The following RPS6KC1 variants were observed in gnomAD, a reference collection of about 807,000 sequenced individuals.
RPS6KC1 encodes the protein ribosomal protein S6 kinase C1, also known as inactive ribosomal protein S6 kinase delta-1.
In RPS6KC1, 54 loss-of-function variants were observed where a neutral mutation model predicts 103.8. The ratio of observed to expected loss-of-function variants is 0.52; its 90% CI spans 0.42 to 0.65. The LOEUF (loss-of-function observed/expected upper bound fraction) is 0.65. Ranked by LOEUF, RPS6KC1 falls within the 30% of genes least tolerant of loss-of-function variation. The probability of loss-of-function intolerance (pLI) is 0.00; values close to 1 mark genes in which losing one functional copy is unlikely to be tolerated. For missense variants in RPS6KC1, 1,151 were observed against 1,253.8 expected (o/e 0.92, Z 1.24); for synonymous variants, 439 against 438.7 (o/e 1.00, Z -0.01).
At chr1:213,603,457 C>T in the RPS6KC1 span, among the ~76,000 whole-genome samples, 1 of 152,222 alleles carries the variant, frequency 6.6e-6, no homozygotes, top group Admixed American at 6.5e-5. Flanking sequence ...AGTCAGGTTG[C>T]TGGTCTTTTA....
chr1:213,847,978 C>T, the RPS6KC1 span, among the ~76,000 whole-genome samples: 1 of 151,986 alleles, frequency 6.6e-6, no homozygotes, highest in Non-Finnish European at 1.5e-5. Flanking sequence ...CACACACATA[C>T]ACACACACAG....
chr1:213,423,904 C>T, the RPS6KC1 span, among the ~76,000 whole-genome samples: 2 of 152,304 alleles, frequency 1.3e-5, no homozygotes, highest in South Asian at 2.1e-4. Flanking sequence ...AAGGTGCTAA[C>T]GCAATAATAC....
At chr1:213,575,598 G>T in the RPS6KC1 span, among the ~76,000 whole-genome samples, 3 of 152,160 alleles carry the variant, frequency 2.0e-5, no homozygotes, top group East Asian at 3.9e-4. Context: ...TTCCCCTTCT[G>T]CCATGATTGT....
intron 3 of RPS6KC1, 44 bp downstream of exon 3, chr1:213,077,860 T>C: frequency 8.4e-7 from 1 of 1,185,750 alleles, no homozygotes; most frequent in Non-Finnish European, 1.2e-6. Context: ...AATAATTAAT[T>C]TTGTATATAT....
the RPS6KC1 span, among the ~76,000 whole-genome samples, chr1:213,504,144 TTAA>T: frequency 1.3e-5 from 2 of 152,320 alleles, no homozygotes; most frequent in African/African-American, 2.4e-5. Flanking sequence ...ATAATTTCTT[TTAA>T]TAATGTATCT....
the RPS6KC1 span, among the ~76,000 whole-genome samples, chr1:213,410,500 G>A: frequency 6.6e-6 from 1 of 152,128 alleles, no homozygotes; most frequent in Non-Finnish European, 1.5e-5. Context: ...TTTAAGGAGA[G>A]AGAAAATATC....
At chr1:213,389,334 C>A in the RPS6KC1 span, among the ~76,000 whole-genome samples, 1 of 152,180 alleles carries the variant, frequency 6.6e-6, no homozygotes, top group East Asian at 1.9e-4. Context: ...GTCTTATATT[C>A]CTGCAGAGAT....
the RPS6KC1 span, among the ~76,000 whole-genome samples, chr1:213,296,255 T>C: frequency 6.6e-6 from 1 of 152,210 alleles, no homozygotes; most frequent in African/African-American, 2.4e-5. Context: ...TGGCTCACGA[T>C]TGGCCCTCAG....
the RPS6KC1 span, among the ~76,000 whole-genome samples, chr1:213,833,395 C>A: frequency 2.6e-5 from 4 of 152,160 alleles, no homozygotes; most frequent in Non-Finnish European, 4.4e-5. Context: ...AAGCAAAAAT[C>A]ATTTCTATCA....
At chr1:213,122,322 A>C (rs1214943233) in intron 5 of RPS6KC1, among the ~76,000 whole-genome samples, 1 of 152,174 alleles carries the variant, frequency 6.6e-6, no homozygotes. Context: ...GATTATATTT[A>C]AAGCACTGGT....
At chr1:213,169,218 G>A (rs1390831345) in intron 7 of RPS6KC1, among the ~76,000 whole-genome samples, 1 of 151,946 alleles carries the variant, frequency 6.6e-6, no homozygotes, top group Admixed American at 6.6e-5. Context: ...ACATTTTTAT[G>A]CTTTGTATGC....
the RPS6KC1 span, among the ~76,000 whole-genome samples, chr1:213,739,182 G>T: frequency 6.6e-6 from 1 of 152,066 alleles, no homozygotes. Context: ...TGAGAATAAA[G>T]ACCTCTATGA....
the RPS6KC1 span, among the ~76,000 whole-genome samples, chr1:213,596,418 G>T: frequency 6.6e-6 from 1 of 152,184 alleles, no homozygotes; most frequent in Non-Finnish European, 1.5e-5. Flanking sequence ...AAGTAAATGA[G>T]GTCCAGTTGA....
At chr1:213,431,655 A>ATGTGTGTGTG in the RPS6KC1 span, among the ~76,000 whole-genome samples, 40 of 141,638 alleles carry the variant, frequency 2.8e-4, no homozygotes, top group African/African-American at 9.4e-4. Flanking sequence ...GTTTGTGTGT[A>ATGTGTGTGTG]TGTGTGTGTG....
the RPS6KC1 span, among the ~76,000 whole-genome samples, chr1:213,690,819 C>T: frequency 6.6e-6 from 1 of 152,174 alleles, no homozygotes; most frequent in Non-Finnish European, 1.5e-5. Flanking sequence ...AACACTTGCA[C>T]AGTGGCTTGC....
chr1:213,522,995 C>T, the RPS6KC1 span, among the ~76,000 whole-genome samples: 11 of 152,216 alleles, frequency 7.2e-5, no homozygotes, highest in Non-Finnish European at 1.0e-4. Context: ...TTCAGTCTAG[C>T]TCAGCTTTTG....
chr1:213,242,526 G>A (rs766775666), intron 11 of RPS6KC1, 43 bp from the exon 12 acceptor site: 1 of 1,485,924 alleles, frequency 6.7e-7, no homozygotes, highest in Non-Finnish European at 9.4e-7. Flanking sequence ...GCAGAAAATG[G>A]AAGAGAAAAA....
At chr1:213,473,666 C>T in the RPS6KC1 span, among the ~76,000 whole-genome samples, 1 of 152,202 alleles carries the variant, frequency 6.6e-6, no homozygotes, top group South Asian at 2.1e-4. Flanking sequence ...TCCAACCTCC[C>T]ACCCGCCAAG....
chr1:213,734,572 G>A, the RPS6KC1 span, among the ~76,000 whole-genome samples: 1 of 152,152 alleles, frequency 6.6e-6, no homozygotes, highest in South Asian at 2.1e-4. Context: ...TATTAAGGCT[G>A]TGCAGTAATG....
Sources: allele counts gnomAD v4.1 joint callset (sites outside exome capture counted in the v4.1 genomes callset), GRCh38; gene constraint gnomAD v4.1.1; transcripts MANE v1.5; gene names NCBI Gene and HGNC (gene_info 2026-07-23, HGNC 2026-07-21).